Variants in ADCK1 observed in about 807,000 individuals in gnomAD.
ADCK1 encodes aarF domain containing kinase 1.
A neutral mutation model predicts 52.3 loss-of-function variants in ADCK1; 41 were observed. That is an observed-to-expected ratio of 0.78 (90% CI 0.61 to 1.02). The LOEUF is 1.02. ADCK1 is among the 50% of genes least tolerant of loss of function. The pLI, the probability that ADCK1 is intolerant of heterozygous loss-of-function variation, is 0.00. For missense variants in ADCK1, 658 were observed against 679.5 expected (o/e 0.97, Z 0.35); for synonymous variants, 250 against 274.6 (o/e 0.91, Z 0.89).
chr14:77,866,810 A>G (rs1171862520), intron 4 of ADCK1, among the ~76,000 whole-genome samples: 1 of 152,034 alleles, frequency 6.6e-6, no homozygotes, highest in African/African-American at 2.4e-5. Flanking sequence ...TGTGGGCTAT[A>G]TCCAGGGCTG....
At chr14:77,926,722 G>A (rs9323657) in intron 9 of ADCK1, among the ~76,000 whole-genome samples, 24,627 of 152,090 alleles carry the variant, frequency 0.16, 2,208 homozygotes, top group African/African-American at 0.24. Context: ...GTCATTATTT[G>A]TAGCTCATTT....
chr14:77,812,955 T>A (rs2081365527), intron 1 of ADCK1, among the ~76,000 whole-genome samples: 1 of 151,892 alleles, frequency 6.6e-6, no homozygotes, highest in Admixed American at 6.6e-5. Context: ...ATCCCAGGAG[T>A]TGGGAGAGAT....
At chr14:77,928,931 A>C (rs1177804380) in intron 9 of ADCK1, among the ~76,000 whole-genome samples, 1 of 152,168 alleles carries the variant, frequency 6.6e-6, no homozygotes, top group Non-Finnish European at 1.5e-5. Flanking sequence ...ATTTGTCTGC[A>C]CGCCTTAACT....
At chr14:77,894,999 C>T (rs979971060) in intron 5 of ADCK1, among the ~76,000 whole-genome samples, 2 of 152,048 alleles carry the variant, frequency 1.3e-5, no homozygotes, top group Admixed American at 6.5e-5. Flanking sequence ...GTGATCTGTC[C>T]GTCTTGGCCT....
chr14:77,812,381 G>C (rs2140009127), intron 1 of ADCK1, among the ~76,000 whole-genome samples: 1 of 142,132 alleles, frequency 7.0e-6, no homozygotes, highest in South Asian at 2.3e-4. Flanking sequence ...AGATCATGCA[G>C]TATTTGTCTT....
At chr14:77,831,774 A>G (rs1434228280) in intron 3 of ADCK1, among the ~76,000 whole-genome samples, 1 of 152,048 alleles carries the variant, frequency 6.6e-6, no homozygotes, top group Non-Finnish European at 1.5e-5. Context: ...CTTTAGAACC[A>G]TGGGATATGG....
At chr14:77,883,184 C>T (rs2083071273) in intron 4 of ADCK1, among the ~76,000 whole-genome samples, 1 of 151,978 alleles carries the variant, frequency 6.6e-6, no homozygotes. Context: ...TTTTACTTAA[C>T]TGATTTTGCC....
chr14:77,852,674 T>TATTTATATATATATATATATATTA (rs2082318125), intron 3 of ADCK1, among the ~76,000 whole-genome samples: 1 of 21,482 alleles, frequency 4.7e-5, no homozygotes, highest in South Asian at 1.5e-3. Context: ...TATATATATA[T>TATTTATATATATATATATATATTA]ATATATATAT....
At chr14:77,814,269 G>A (rs2081394910) in intron 1 of ADCK1, among the ~76,000 whole-genome samples, 1 of 151,220 alleles carries the variant, frequency 6.6e-6, no homozygotes, top group Non-Finnish European at 1.5e-5. Flanking sequence ...TGTAGCGATG[G>A]GGTTTCGCTA....
intron 3 of ADCK1, among the ~76,000 whole-genome samples, chr14:77,843,041 C>CTA (rs1331844043): frequency 2.0e-5 from 3 of 151,932 alleles, no homozygotes; most frequent in Admixed American, 6.6e-5. Context: ...AGGTGTGTGC[C>CTA]ACTACTCCTA....
At chr14:77,901,309 C>T (rs2083537580) in intron 6 of ADCK1, among the ~76,000 whole-genome samples, 1 of 151,454 alleles carries the variant, frequency 6.6e-6, no homozygotes, top group Non-Finnish European at 1.5e-5. Flanking sequence ...TTTGGCCTCC[C>T]AAAGTGCTGA....
At chr14:77,918,803 A>G (rs1410684124) in intron 7 of ADCK1, among the ~76,000 whole-genome samples, 1 of 152,212 alleles carries the variant, frequency 6.6e-6, no homozygotes, top group African/African-American at 2.4e-5. Flanking sequence ...TTTGCTATTG[A>G]CAATTAATTA....
intron 1 of ADCK1, among the ~76,000 whole-genome samples, chr14:77,814,237 C>T (rs1228668258): frequency 1.3e-5 from 2 of 151,970 alleles, no homozygotes. Context: ...TGCCACCACA[C>T]CCAGCTGATT....
chr14:77,921,751 T>C (rs946296816), intron 7 of ADCK1, among the ~76,000 whole-genome samples: 1 of 152,072 alleles, frequency 6.6e-6, no homozygotes, highest in African/African-American at 2.4e-5. Flanking sequence ...TGAGCAGCAA[T>C]TGGCAGCCCC....
At chr14:77,868,205 G>A (rs2082703045) in intron 4 of ADCK1, among the ~76,000 whole-genome samples, 1 of 152,218 alleles carries the variant, frequency 6.6e-6, no homozygotes, top group Admixed American at 6.5e-5. Flanking sequence ...TTTCACAGGT[G>A]AGGAAACTGA....
intron 5 of ADCK1, among the ~76,000 whole-genome samples, chr14:77,892,902 A>G (rs551320917): frequency 7.9e-5 from 12 of 151,968 alleles, no homozygotes; most frequent in Non-Finnish European, 1.3e-4. Context: ...TTTTGTGTCT[A>G]CTCTGAACCT....
At chr14:77,884,002 T>A (rs993216777) in intron 4 of ADCK1, among the ~76,000 whole-genome samples, 4 of 152,202 alleles carry the variant, frequency 2.6e-5, no homozygotes, top group Non-Finnish European at 4.4e-5. Context: ...GCTCTTTCTT[T>A]CCCTCACCTC....
intron 5 of ADCK1, among the ~76,000 whole-genome samples, chr14:77,891,351 A>G (rs2083280239): frequency 6.6e-6 from 1 of 152,158 alleles, no homozygotes; most frequent in Non-Finnish European, 1.5e-5. Context: ...GAGACCTGGG[A>G]GACTTGGAGG....
intron 3 of ADCK1, among the ~76,000 whole-genome samples, chr14:77,831,508 T>C (rs887066622): frequency 6.6e-6 from 1 of 152,196 alleles, no homozygotes. Flanking sequence ...GTGTTTTGGG[T>C]TGGAGTATGG....
Sources: gnomAD v4.1 joint callset for allele counts (sites outside exome capture counted in the v4.1 genomes callset) on GRCh38, gnomAD v4.1.1 for gene constraint, MANE v1.5 for transcripts, NCBI Gene and HGNC (gene_info 2026-07-23, HGNC 2026-07-21) for gene names.